The following HIGD1C variants were observed in gnomAD, a reference collection of about 807,000 sequenced individuals.
HIGD1C encodes HIG1 hypoxia inducible domain family member 1C.
In HIGD1C, 11 loss-of-function variants were observed where a neutral mutation model predicts 13.1. That is an observed-to-expected ratio of 0.84 (90% CI 0.53 to 1.39). The LOEUF (loss-of-function observed/expected upper bound fraction) is 1.39. Among genes scored for constraint, HIGD1C ranks in the 40% most tolerant of loss-of-function variants. HIGD1C has a pLI of 0.00. For synonymous variants in HIGD1C, 36 were observed against 37.7 expected (o/e 0.95, Z 0.17); for missense variants, 110 against 112.0 (o/e 0.98, Z 0.08).
the HIGD1C span, among the ~76,000 whole-genome samples, chr12:50,932,974 T>C: frequency 2.6e-5 from 4 of 152,086 alleles, no homozygotes; most frequent in Non-Finnish European, 4.4e-5. Context: ...GATTGAGAAA[T>C]AGGAAAAGCC....
upstream of HIGD1C, chr12:50,953,808 C>G (rs1938986020): frequency 1.9e-6 from 1 of 522,972 alleles, no homozygotes; most frequent in African/African-American, 1.9e-5. Context: ...ATCCCCTTCC[C>G]CTGCAAAATG....
chr12:50,936,829 C>A, the HIGD1C span, among the ~76,000 whole-genome samples: 1 of 152,230 alleles, frequency 6.6e-6, no homozygotes, highest in Non-Finnish European at 1.5e-5. Flanking sequence ...CACAGCAAAA[C>A]CAGAATACAC....
In HIGD1C at chr12:50,958,088, G is replaced by C. The variant is rs73090652; in HGVS notation, c.95-2880G>C. Among the ~76,000 whole-genome samples the C allele has an allele frequency of 3.0e-4, 45 of 151,814 alleles. No individual in the cohort carries two copies. In the South Asian group the frequency reaches 9.2e-3, roughly 31 times the overall value. ...GCCAAAGTGCTGGCATTACAGGCATGAGCTACCATGCCTGATCCTGTGTTC... is the reference window on the plus strand; with the variant it reads ...GCCAAAGTGCTGGCATTACAGGCATCAGCTACCATGCCTGATCCTGTGTTC... On this transcript the variant is annotated intron_variant, in intron 1 of 2. Coordinates refer to ENST00000398455, the Ensembl canonical transcript of HIGD1C.
At chr12:50,969,900 C>T (rs11169643) in intron 2 of HIGD1C, among the ~76,000 whole-genome samples, 10,786 of 151,976 alleles carry the variant, frequency 0.071, 735 homozygotes, top group East Asian at 0.28. Flanking sequence ...TTGCTGACAT[C>T]CTTGGAACTC....
the HIGD1C span, among the ~76,000 whole-genome samples, chr12:50,941,191 T>A: frequency 6.6e-6 from 1 of 152,046 alleles, no homozygotes; most frequent in Non-Finnish European, 1.5e-5. Context: ...TCTCCCTATG[T>A]TACCCAGGCT....
chr12:50,946,199 G>T, the HIGD1C span, among the ~76,000 whole-genome samples: 6 of 151,710 alleles, frequency 4.0e-5, no homozygotes, highest in Non-Finnish European at 8.8e-5. Context: ...ACCACCAAAA[G>T]CAATGGCAAC....
At chr12:50,955,531 T>A (rs1299567758) in intron 1 of HIGD1C, among the ~76,000 whole-genome samples, 1 of 152,226 alleles carries the variant, frequency 6.6e-6, no homozygotes, top group Non-Finnish European at 1.5e-5. Flanking sequence ...TAAATCAGAC[T>A]GACATAAGTT....
chr12:50,971,356 A>G (rs1939755684), downstream of HIGD1C, among the ~76,000 whole-genome samples: 1 of 152,002 alleles, frequency 6.6e-6, no homozygotes, highest in Non-Finnish European at 1.5e-5. Context: ...TCTCATTCTT[A>G]TACAGAAACT....
intron 1 of HIGD1C, 83 bp from the exon 4 acceptor site, chr12:50,960,885 G>T: frequency 1.7e-6 from 2 of 1,197,584 alleles, no homozygotes; most frequent in African/African-American, 1.6e-5. Context: ...TTGCTATGTT[G>T]CCCAGGCTGT....
intron 2 of HIGD1C, among the ~76,000 whole-genome samples, chr12:50,968,154 T>G (rs1468993078): frequency 2.0e-5 from 3 of 151,464 alleles, no homozygotes; most frequent in Non-Finnish European, 3.0e-5. Flanking sequence ...GAGAAGGGAT[T>G]TATTACAGAG....
At chr12:50,948,926 GGGAGGGGAGGAGGAGGA>G, upstream of HIGD1C, among the ~76,000 whole-genome samples, 1 of 20,186 alleles carries the variant, frequency 5.0e-5, no homozygotes, top group African/African-American at 2.8e-4. Context: ...GGGGGGGAGG[GGGAGGGGAGGAGGAGGA>G]GGAGGAGGAG....
Sources: allele counts gnomAD v4.1 joint callset (sites outside exome capture counted in the v4.1 genomes callset), GRCh38; gene constraint gnomAD v4.1.1; transcripts MANE v1.5; gene names NCBI Gene and HGNC (gene_info 2026-07-23, HGNC 2026-07-21).